ITGA9: variants seen among roughly 807,000 people sequenced by gnomAD.
The protein encoded by ITGA9 is integrin subunit alpha 9.
In ITGA9, 56 loss-of-function variants were observed where a neutral mutation model predicts 127.8. The ratio of observed to expected loss-of-function variants is 0.44; its 90% confidence interval spans 0.35 to 0.55. The LOEUF (loss-of-function observed/expected upper bound fraction) is 0.55. Among genes scored for constraint, ITGA9 ranks in the 20% least tolerant of loss-of-function variants. The pLI, the probability that ITGA9 is intolerant of heterozygous loss-of-function variation, is 0.00. For synonymous variants in ITGA9, 508 were observed against 514.5 expected (o/e 0.99, Z 0.17); for missense variants, 1,196 against 1,347.1 (o/e 0.89, Z 1.76).
chr3:37,780,468 T>C (rs756629648), intron 25 of ITGA9, among the ~76,000 whole-genome samples: 22 of 152,204 alleles, frequency 1.4e-4, no homozygotes, highest in Non-Finnish European at 3.1e-4. Flanking sequence ...CCATCCATGT[T>C]GCTGCAAAAG....
At chr3:37,648,221 A>G (rs770766010) in intron 16 of ITGA9, among the ~76,000 whole-genome samples, 2 of 152,090 alleles carry the variant, frequency 1.3e-5, no homozygotes, top group Non-Finnish European at 2.9e-5. Flanking sequence ...AGCCATCCTA[A>G]CTGTTGTGAG....
intron 17 of ITGA9, among the ~76,000 whole-genome samples, chr3:37,678,230 T>C (rs1343651707): frequency 6.6e-6 from 1 of 152,346 alleles, no homozygotes; most frequent in East Asian, 1.9e-4. Context: ...CTATGTTTAA[T>C]TATTTTGAGA....
At chr3:37,788,991 A>G (rs1697073217) in intron 26 of ITGA9, among the ~76,000 whole-genome samples, 2 of 152,214 alleles carry the variant, frequency 1.3e-5, no homozygotes, top group Admixed American at 1.3e-4. Flanking sequence ...TGATTATTCC[A>G]TACTTAAAAC....
intron 22 of ITGA9, among the ~76,000 whole-genome samples, chr3:37,744,855 C>A (rs562216117): frequency 6.6e-6 from 1 of 152,198 alleles, no homozygotes; most frequent in Admixed American, 6.5e-5. Flanking sequence ...TAGGCCCAAG[C>A]GAGAAAGGAT....
At chr3:37,730,842 G>C (rs2125527661) in intron 18 of ITGA9, among the ~76,000 whole-genome samples, 1 of 152,322 alleles carries the variant, frequency 6.6e-6, no homozygotes, top group Middle Eastern at 3.4e-3. Flanking sequence ...CTTAAACAGA[G>C]GTGTGAACAT....
At chr3:37,732,362 C>T (rs1453061081) in intron 18 of ITGA9, among the ~76,000 whole-genome samples, 1 of 152,066 alleles carries the variant, frequency 6.6e-6, no homozygotes, top group African/African-American at 2.4e-5. Context: ...AGGGTGTGGG[C>T]TTAGGAGAAA....
chr3:37,517,926 G>A (rs1178563025), intron 10 of ITGA9, among the ~76,000 whole-genome samples: 1 of 152,188 alleles, frequency 6.6e-6, no homozygotes, highest in Non-Finnish European at 1.5e-5. Flanking sequence ...CTTATGGCAA[G>A]AAGTTTGAAT....
At chr3:37,775,503 G>A (rs1002174266) in intron 23 of ITGA9, among the ~76,000 whole-genome samples, 12 of 151,990 alleles carry the variant, frequency 7.9e-5, no homozygotes, top group African/African-American at 1.2e-4. Flanking sequence ...AAAATTAGCC[G>A]GGCATGGTGG....
chr3:37,700,325 A>G (rs1368364153), intron 18 of ITGA9, among the ~76,000 whole-genome samples: 1 of 151,386 alleles, frequency 6.6e-6, no homozygotes, highest in Admixed American at 6.6e-5. Flanking sequence ...TAGTCCTCCT[A>G]CCGGAATTAG....
chr3:37,589,709 G>A (rs1699794311), intron 15 of ITGA9, among the ~76,000 whole-genome samples: 1 of 152,190 alleles, frequency 6.6e-6, no homozygotes, highest in African/African-American at 2.4e-5. Flanking sequence ...AGGCCCTGAG[G>A]CAGGAGTGCC....
intron 16 of ITGA9, among the ~76,000 whole-genome samples, chr3:37,650,722 T>C (rs1272952335): frequency 1.3e-5 from 2 of 152,142 alleles, no homozygotes; most frequent in African/African-American, 4.8e-5. Context: ...TGAGCCACCA[T>C]GCCTGGCCCC....
intron 4 of ITGA9, among the ~76,000 whole-genome samples, chr3:37,489,346 G>A (rs961809605): frequency 1.3e-5 from 2 of 152,244 alleles, no homozygotes; most frequent in African/African-American, 4.8e-5. Flanking sequence ...CTTGGGTCCT[G>A]ATGCTGAGGC....
chr3:37,485,441 G>A (rs763727832), intron 4 of ITGA9, among the ~76,000 whole-genome samples: 11 of 151,988 alleles, frequency 7.2e-5, no homozygotes, highest in Non-Finnish European at 1.2e-4. Context: ...CCTCAGGCCT[G>A]TCACTTGGCC....
chr3:37,599,924 T>C (rs746582776), intron 15 of ITGA9, among the ~76,000 whole-genome samples: 11 of 152,180 alleles, frequency 7.2e-5, no homozygotes, highest in Non-Finnish European at 1.3e-4. Flanking sequence ...GATCATCACC[T>C]CTGTAATGGT....
At chr3:37,787,232 G>A (rs1158949897) in intron 26 of ITGA9, among the ~76,000 whole-genome samples, 1 of 152,156 alleles carries the variant, frequency 6.6e-6, no homozygotes, top group Non-Finnish European at 1.5e-5. Flanking sequence ...TTAATAAGTG[G>A]AAGCTAATGG....
chr3:37,764,702 G>T, intron 23 of ITGA9, among the ~76,000 whole-genome samples: 1 of 152,140 alleles, frequency 6.6e-6, no homozygotes, highest in Non-Finnish European at 1.5e-5. Context: ...GCTGTGGAAA[G>T]CTACTCATTC....
At chr3:37,461,152 G>A (rs1698312364) in intron 1 of ITGA9, among the ~76,000 whole-genome samples, 2 of 152,146 alleles carry the variant, frequency 1.3e-5, no homozygotes, top group Admixed American at 6.5e-5. Flanking sequence ...ATTCAGCTGA[G>A]TAGTGTTCCT....
chr3:37,713,787 G>GC (rs1455317356), intron 18 of ITGA9, among the ~76,000 whole-genome samples: 1 of 152,220 alleles, frequency 6.6e-6, no homozygotes, highest in East Asian at 1.9e-4. Context: ...AGCCCTAAAG[G>GC]CCCGGGCTGC....
At chr3:37,691,683 C>A (rs552862080) in intron 18 of ITGA9, among the ~76,000 whole-genome samples, 15 of 152,296 alleles carry the variant, frequency 9.8e-5, no homozygotes, top group African/African-American at 3.4e-4. Flanking sequence ...TCCGGATCTG[C>A]ATTTCTGGTA....
Sources: gnomAD v4.1 joint callset for allele counts (sites outside exome capture counted in the v4.1 genomes callset) on GRCh38, gnomAD v4.1.1 for gene constraint, MANE v1.5 for transcripts, NCBI Gene and HGNC (gene_info 2026-07-23, HGNC 2026-07-21) for gene names.